The following SPON1 variants were observed in gnomAD, a reference collection of about 807,000 sequenced individuals.
The protein encoded by SPON1 is spondin 1.
A neutral mutation model predicts 111.7 loss-of-function variants in SPON1; 52 were observed. The observed-to-expected ratio is 0.47, with a 90% CI of 0.37 to 0.59. The LOEUF is 0.59. SPON1 is among the 20% of genes least tolerant of loss of function. SPON1 has a pLI of 0.00. For missense variants in SPON1, 957 were observed against 1,068.5 expected, an observed-to-expected ratio of 0.90 and a Z score of 1.46; for synonymous variants, 410 against 395.8, an observed-to-expected ratio of 1.04 and a Z score of -0.43.
intron 6 of SPON1, among the ~76,000 whole-genome samples, chr11:14,209,059 A>T (rs1848545669): frequency 6.6e-6 from 1 of 152,180 alleles, no homozygotes; most frequent in African/African-American, 2.4e-5. Flanking sequence ...CATTGCATAC[A>T]TTCTAAGCAT....
intron 5 of SPON1, among the ~76,000 whole-genome samples, chr11:14,087,125 T>A (rs1352203312): frequency 1.3e-5 from 2 of 152,084 alleles, no homozygotes; most frequent in African/African-American, 4.8e-5. Context: ...TTTTTAAGGG[T>A]TTCCATGTCT....
intron 2 of SPON1, among the ~76,000 whole-genome samples, chr11:13,990,060 G>C (rs1457334762): frequency 6.6e-6 from 1 of 152,144 alleles, no homozygotes; most frequent in African/African-American, 2.4e-5. Flanking sequence ...TGTCTGTTAG[G>C]TCTGCTTGGT....
intron 1 of SPON1, among the ~76,000 whole-genome samples, chr11:13,966,132 GT>G (rs1449208442): frequency 2.0e-5 from 3 of 152,136 alleles, no homozygotes; most frequent in South Asian, 2.1e-4. Flanking sequence ...TCTTTTCCAA[GT>G]TGTTAGTATT....
At chr11:14,096,774 A>T (rs547380123) in intron 5 of SPON1, among the ~76,000 whole-genome samples, 31 of 152,294 alleles carry the variant, frequency 2.0e-4, no homozygotes, top group Admixed American at 3.3e-4. Flanking sequence ...ATGTCCCTTC[A>T]TCAAACTCAC....
At chr11:14,098,944 C>T (rs573342886) in intron 5 of SPON1, among the ~76,000 whole-genome samples, 3 of 152,302 alleles carry the variant, frequency 2.0e-5, no homozygotes, top group Non-Finnish European at 2.9e-5. Flanking sequence ...TTTAAATCAA[C>T]TCTTTATCTG....
intron 6 of SPON1, among the ~76,000 whole-genome samples, chr11:14,153,730 T>C (rs7482788): frequency 0.84 from 128,079 of 152,168 alleles, 54,102 homozygotes; most frequent in African/African-American, 0.91. Flanking sequence ...TCCAGATTAA[T>C]TCAAATGCCC....
Position 14,003,755 on chromosome 11 carries a change from G to A in SPON1, c.345+20802G>A, listed in dbSNP as rs193188236. 5.9e-4 allele frequency among the ~76,000 whole-genome samples: 90 copies of A among 152,258 alleles called. 2 individuals carry two copies. The East Asian group carries it at 0.015, about 26-fold the overall frequency. ...ATAGTAAAATGGTTACTGCAGTGAA[G>A]TAGGTTAACATCCATCATTGCACAT... is the stretch of plus-strand genomic sequence containing the variant. On this transcript the variant is annotated intron_variant, in intron 2 of 15. Coordinates refer to ENST00000576479, the MANE Select transcript of SPON1 (RefSeq NM_006108.4).
chr11:14,160,385 T>TTATTTTTATATATATATTTATATATATA (rs1847895714), intron 6 of SPON1, among the ~76,000 whole-genome samples: 1 of 60,530 alleles, frequency 1.7e-5, no homozygotes, highest in East Asian at 5.6e-4. Flanking sequence ...AACACTTACA[T>TTATTTTTATATATATATTTATATATATA]TATTTTTATA....
At chr11:14,195,679 A>G (rs532432905) in intron 6 of SPON1, among the ~76,000 whole-genome samples, 5 of 152,334 alleles carry the variant, frequency 3.3e-5, no homozygotes, top group South Asian at 2.1e-4. Context: ...TGGCATGCAG[A>G]GGCTGCAGAA....
At chr11:14,041,752 T>C in intron 3 of SPON1, 98 bp downstream of exon 3, 6 of 1,394,812 alleles carry the variant, frequency 4.3e-6, no homozygotes, top group Non-Finnish European at 5.9e-6. Context: ...ATCAGAAAGT[T>C]GCATCATCTC....
At chr11:14,149,463 A>T (rs1438032799) in intron 6 of SPON1, among the ~76,000 whole-genome samples, 5 of 152,216 alleles carry the variant, frequency 3.3e-5, no homozygotes, top group Non-Finnish European at 5.9e-5. Flanking sequence ...AAAAAGTTAG[A>T]ATAAGCTAAG....
intron 6 of SPON1, among the ~76,000 whole-genome samples, chr11:14,182,417 G>A (rs558654362): frequency 2.0e-5 from 3 of 152,090 alleles, no homozygotes; most frequent in Non-Finnish European, 4.4e-5. Context: ...CAAGAGCAGC[G>A]CTTATGTCTG....
chr11:14,231,961 T>C (rs1223929979), intron 6 of SPON1, among the ~76,000 whole-genome samples: 1 of 146,068 alleles, frequency 6.8e-6, no homozygotes, highest in Non-Finnish European at 1.5e-5. Context: ...TGTTTCTCTC[T>C]CCTCCTACGC....
At position 14,161,021 on chromosome 11, in the gene SPON1, A is replaced by G. The variant is rs797041939; in HGVS notation, c.825+25453A>G. 0.012 allele frequency among the ~76,000 whole-genome samples: 422 copies of G among 36,504 alleles called. 53 individuals are homozygous for G. In the East Asian group the frequency reaches 0.24, roughly 21 times the overall value. The allele number at this position is 36,504 out of a possible 152,430, so 23.9% of individuals were successfully genotyped here. ...TATATATTTATATATTTATATATCTATATATATTTATATATATCTATATAT... is the reference window on the plus strand; with the variant it reads ...TATATATTTATATATTTATATATCTGTATATATTTATATATATCTATATAT... On this transcript the variant is annotated intron_variant, in intron 6 of 15. Transcript: ENST00000576479.
intron 6 of SPON1, among the ~76,000 whole-genome samples, chr11:14,164,596 C>A (rs1554931703): frequency 6.6e-6 from 1 of 152,162 alleles, no homozygotes; most frequent in East Asian, 1.9e-4. Context: ...CTAATCCTAA[C>A]TGGGTTAACC....
chr11:13,972,376 C>T (rs1423596603), intron 1 of SPON1, among the ~76,000 whole-genome samples: 1 of 152,200 alleles, frequency 6.6e-6, no homozygotes, highest in Non-Finnish European at 1.5e-5. Context: ...TAAAATTTGA[C>T]ATGGTTTATC....
chr11:14,178,045 A>AAC (rs5789825), intron 6 of SPON1, among the ~76,000 whole-genome samples: 3,283 of 142,688 alleles, frequency 0.023, 49 homozygotes, highest in Middle Eastern at 0.047. Context: ...CACACACACA[A>AAC]ACACACACAC....
intron 6 of SPON1, among the ~76,000 whole-genome samples, chr11:14,163,848 C>A (rs868965403): frequency 1.3e-5 from 2 of 152,026 alleles, no homozygotes; most frequent in South Asian, 4.2e-4. Flanking sequence ...CCCTCCCCCG[C>A]TTTAGCAACA....
intron 5 of SPON1, among the ~76,000 whole-genome samples, chr11:14,116,473 A>C (rs577559961): frequency 6.6e-6 from 1 of 152,172 alleles, no homozygotes; most frequent in Non-Finnish European, 1.5e-5. Flanking sequence ...CTATTGATTG[A>C]AGTGTCCATC....
Sources: allele counts gnomAD v4.1 joint callset (sites outside exome capture counted in the v4.1 genomes callset), GRCh38; gene constraint gnomAD v4.1.1; transcripts MANE v1.5; gene names NCBI Gene and HGNC (gene_info 2026-07-23, HGNC 2026-07-21).